RAPGEF4: variants seen among roughly 807,000 people sequenced by gnomAD.
The protein encoded by RAPGEF4 is Rap guanine nucleotide exchange factor 4.
RAPGEF4 carries 66 observed loss-of-function variants against 147.9 expected under a neutral mutation model. The ratio of observed to expected loss-of-function variants is 0.45; its 90% CI spans 0.37 to 0.55. The LOEUF (loss-of-function observed/expected upper bound fraction) is 0.55. RAPGEF4 is among the 20% of genes least tolerant of loss of function. The pLI is 0.00. For missense variants in RAPGEF4, 1,071 were observed against 1,257.3 expected (o/e 0.85, Z 2.24); for synonymous variants, 419 against 442.7 (o/e 0.95, Z 0.67).
rs968810025 is a variant in RAPGEF4 at position 172,977,581 on chromosome 2, G to GC, written c.1005-5910dup. The stretch of plus-strand genomic sequence containing the variant: ...CTGTTACTGCTGCCACGAACACTGA[G>GC]CCCCCACTAGGGTGGGAGGGGGCTC... On this transcript the variant is annotated intron_variant, in intron 10 of 30. Coordinates refer to ENST00000397081, the MANE Select transcript of RAPGEF4 (RefSeq NM_007023.4). 1.2e-4 allele frequency among the ~76,000 whole-genome samples: 18 copies of GC among 152,058 alleles called. 1 individual carries two copies. The highest frequency in any genetic ancestry group is 8.3e-4 in the South Asian group (4 of 4,798).
chr2:172,834,354 G>A (rs2149681405), intron 4 of RAPGEF4, among the ~76,000 whole-genome samples: 1 of 152,294 alleles, frequency 6.6e-6, no homozygotes, highest in Non-Finnish European at 1.5e-5. Flanking sequence ...AAATAGCAGA[G>A]GCAGCTTCAA....
intron 5 of RAPGEF4, among the ~76,000 whole-genome samples, 159 bp from the exon 6 acceptor site, chr2:172,922,122 A>G (rs1684832282): frequency 6.6e-6 from 1 of 152,210 alleles, no homozygotes; most frequent in Non-Finnish European, 1.5e-5. Flanking sequence ...AGCATTATAT[A>G]AGTTTTTATA....
intron 15 of RAPGEF4, among the ~76,000 whole-genome samples, chr2:172,992,951 A>G (rs904059817): frequency 6.6e-6 from 1 of 152,180 alleles, no homozygotes. Flanking sequence ...TGGGGCTGAT[A>G]TTCCGGACTT....
chr2:173,000,730 T>C (rs1175591903), intron 16 of RAPGEF4, among the ~76,000 whole-genome samples: 1 of 117,670 alleles, frequency 8.5e-6, no homozygotes, highest in African/African-American at 3.6e-5. Context: ...TCTTGTTTTC[T>C]TTCTTTCTTT....
intron 6 of RAPGEF4, among the ~76,000 whole-genome samples, chr2:172,945,120 A>G (rs949060344): frequency 6.6e-6 from 1 of 152,192 alleles, no homozygotes; most frequent in Non-Finnish European, 1.5e-5. Flanking sequence ...TGGCATATCT[A>G]ATTGAAACCA....
chr2:172,823,072 G>C (rs190285038), intron 4 of RAPGEF4, among the ~76,000 whole-genome samples: 1 of 152,164 alleles, frequency 6.6e-6, no homozygotes, highest in Non-Finnish European at 1.5e-5. Flanking sequence ...AAGATCCAGC[G>C]TGCTAAAGGA....
chr2:172,922,144 C>T, intron 5 of RAPGEF4, 137 bp from the exon 6 acceptor site: 1 of 796,692 alleles, frequency 1.3e-6, no homozygotes, highest in Non-Finnish European at 2.2e-6. Flanking sequence ...TTCTAAGCAG[C>T]ATTATGTAAG....
rs757469871 is a variant in RAPGEF4, at chr2:173,051,773, T to A, written c.*6T>A. On this transcript the variant is annotated 3_prime_UTR_variant, in exon 31 of 31. Coordinates refer to ENST00000397081, the MANE Select transcript of RAPGEF4 (RefSeq NM_007023.4). ...TAGAGCCTCGTCGACCATAGACATT[T>A]CAAATGCCCAAAGCAACAGTTTGTC... The A allele has an allele frequency of 1.1e-5, 18 of 1,613,142 alleles. No individual in the cohort carries two copies. Among genetic ancestry groups the A allele is most frequent in the Non-Finnish European group, 1.5e-5 (18 of 1,179,502 alleles).
rs530697586 is a variant in RAPGEF4 at position 172,959,282 on chromosome 2, A to G, written c.538-1478A>G. Among the ~76,000 whole-genome samples, 13 of 152,282 alleles carry G rather than the reference A, an allele frequency of 8.5e-5. No individual in the cohort carries two copies. The East Asian group carries it at 1.7e-3, about 20-fold the overall frequency. Reference sequence around the variant, plus strand: ...CTTTTGTTTGTTTTTCTCCTTTTCCATCTTCTGGAGGCTGCTCTCATTCCT... The same window carrying G: ...CTTTTGTTTGTTTTTCTCCTTTTCCGTCTTCTGGAGGCTGCTCTCATTCCT... On this transcript the variant is annotated intron_variant, in intron 6 of 30. Coordinates refer to ENST00000397081, the MANE Select transcript of RAPGEF4 (RefSeq NM_007023.4).
At chr2:173,012,541 G>A (rs776996613) in intron 17 of RAPGEF4, among the ~76,000 whole-genome samples, 1 of 152,216 alleles carries the variant, frequency 6.6e-6, no homozygotes, top group Non-Finnish European at 1.5e-5. Context: ...TGGCAACGTA[G>A]CATTGTATTT....
chr2:173,011,170 G>GCGCACGCACACA (rs564434178), intron 17 of RAPGEF4, among the ~76,000 whole-genome samples: 15 of 133,568 alleles, frequency 1.1e-4, no homozygotes, highest in Middle Eastern at 7.9e-3. Flanking sequence ...GCGCGCGCGC[G>GCGCACGCACACA]CACACACACA....
At chr2:172,900,385 A>G (rs1326546593) in intron 4 of RAPGEF4, among the ~76,000 whole-genome samples, 1 of 152,116 alleles carries the variant, frequency 6.6e-6, no homozygotes, top group African/African-American at 2.4e-5. Flanking sequence ...GACTACAGGC[A>G]TGTGCTACCA....
rs746776461 is a variant in RAPGEF4, at chr2:173,026,558, A to G, written c.2254-14A>G. The G allele has an allele frequency of 6.2e-7, 1 of 1,609,780 alleles. No homozygotes were observed. The highest frequency in any genetic ancestry group is 8.5e-7 in the Non-Finnish European group (1 of 1,178,332). On this transcript the variant is annotated splice_polypyrimidine_tract_variant and intron_variant, in intron 23 of 30. Transcript: ENST00000397081. ...TGTTGAGTTTCTGATATGTTTTTGC[A>G]TTATTATTCATAGACTCCCTTACCA...
chr2:172,789,624 C>G (rs1160612944), intron 1 of RAPGEF4, among the ~76,000 whole-genome samples: 2 of 152,128 alleles, frequency 1.3e-5, no homozygotes, highest in African/African-American at 4.8e-5. Context: ...CTTCATTTCC[C>G]TTTCACTCCA....
At chr2:172,790,985 A>G (rs1226599736) in intron 1 of RAPGEF4, among the ~76,000 whole-genome samples, 2 of 152,230 alleles carry the variant, frequency 1.3e-5, no homozygotes, top group African/African-American at 4.8e-5. Flanking sequence ...AGGTGCCAGC[A>G]TCTATCTGGT....
chr2:173,041,219 A>G (rs1039408022), intron 29 of RAPGEF4, among the ~76,000 whole-genome samples: 2 of 152,314 alleles, frequency 1.3e-5, no homozygotes, highest in Non-Finnish European at 2.9e-5. Context: ...TATTATTATA[A>G]GATTCATGGA....
At position 173,018,696 on chromosome 2, in the gene RAPGEF4, C is replaced by A. The variant is rs559605705; in HGVS notation, c.2049C>A (p.Thr683=). 25 of 1,613,992 alleles carry A rather than the reference C, an allele frequency of 1.5e-5. No homozygotes were observed. The South Asian group carries it at 1.9e-4, about 12-fold the overall frequency. ...KVYCMDHTYT[T]IRVPVATSVK... ...ATTGCATGGACCACACCTACACAAC[C>A]ATTCGGGTGCCAGTGGCCACTTCGG... Residue 683 remains threonine (T), a synonymous_variant, in exon 22 of 31, where the codon ACC becomes ACA. Coordinates refer to ENST00000397081, the MANE Select transcript of RAPGEF4 (RefSeq NM_007023.4).
intron 4 of RAPGEF4, among the ~76,000 whole-genome samples, chr2:172,834,432 A>G (rs1690703527): frequency 6.6e-6 from 1 of 152,248 alleles, no homozygotes; most frequent in African/African-American, 2.4e-5. Flanking sequence ...GCAGAGGAAG[A>G]GAACTACTCT....
chr2:172,852,995 T>G (rs118167997), intron 4 of RAPGEF4, among the ~76,000 whole-genome samples: 4 of 152,194 alleles, frequency 2.6e-5, no homozygotes, highest in South Asian at 2.1e-4. Context: ...AACTCTATTA[T>G]GTAAAAAGAA....
Sources: gnomAD v4.1 joint callset for allele counts (sites outside exome capture counted in the v4.1 genomes callset) on GRCh38, gnomAD v4.1.1 for gene constraint, MANE v1.5 for transcripts, NCBI Gene and HGNC (gene_info 2026-07-23, HGNC 2026-07-21) for gene names.